ADCYAP1R1: variants seen among roughly 807,000 people sequenced by gnomAD.
ADCYAP1R1 encodes the protein pituitary adenylate cyclase-activating polypeptide type I receptor.
ADCYAP1R1 carries 44 observed loss-of-function variants against 67.6 expected under a neutral mutation model. The observed-to-expected ratio is 0.65, with a 90% CI of 0.51 to 0.84. The LOEUF (loss-of-function observed/expected upper bound fraction) is 0.84, where lower values mean the gene tolerates loss of function less well. Ranked by LOEUF, ADCYAP1R1 falls within the 40% of genes least tolerant of loss-of-function variation. The probability of loss-of-function intolerance (pLI) is 0.00; values close to 1 mark genes in which losing one functional copy is unlikely to be tolerated. For missense variants in ADCYAP1R1, 477 were observed against 587.9 expected (o/e 0.81, Z 1.95); for synonymous variants, 222 against 219.6 (o/e 1.01, Z -0.10).
intron 13 of ADCYAP1R1, among the ~76,000 whole-genome samples, chr7:31,096,344 C>T (rs902230704): frequency 3.9e-5 from 6 of 152,226 alleles, no homozygotes; most frequent in East Asian, 1.9e-4. Flanking sequence ...GGCAGAAGTG[C>T]GGCCAGGCAG....
chr7:31,060,005 G>A (rs1376557656), intron 1 of ADCYAP1R1, among the ~76,000 whole-genome samples: 1 of 152,050 alleles, frequency 6.6e-6, no homozygotes, highest in East Asian at 1.9e-4. Context: ...TCTAGTTCCA[G>A]AAGAGGCACC....
chr7:31,058,367 C>T lies in ADCYAP1R1; in HGVS notation c.-71-4827C>T, dbSNP rs191327157. Among the ~76,000 whole-genome samples, 544 of 152,260 alleles carry T rather than the reference C, an allele frequency of 3.6e-3. 4 individuals carry two copies. Among genetic ancestry groups the T allele is most frequent in the Middle Eastern group, 0.01 (3 of 294 alleles). On this transcript the variant is annotated intron_variant, in intron 1 of 15. Transcript: ENST00000304166. ...CAGGGGCCACCACTTCCTGGTGCAGCGACTCAGAGGAGGACATGGCTGCTG... is the reference window on the plus strand; with the variant it reads ...CAGGGGCCACCACTTCCTGGTGCAGTGACTCAGAGGAGGACATGGCTGCTG...
At chr7:31,062,058 T>C (rs1020808681) in intron 1 of ADCYAP1R1, among the ~76,000 whole-genome samples, 2 of 152,230 alleles carry the variant, frequency 1.3e-5, no homozygotes, top group Admixed American at 1.3e-4. Flanking sequence ...GATGCTTTGC[T>C]GTCCCATTTT....
intron 1 of ADCYAP1R1, 119 bp from the exon 2 acceptor site, chr7:31,063,075 G>A: frequency 3.2e-6 from 2 of 627,152 alleles, no homozygotes; most frequent in Non-Finnish European, 5.6e-6. Context: ...GGGAGGTGGG[G>A]TTATCCTTGG....
chr7:31,110,178 A>T lies in ADCYAP1R1; in HGVS notation c.*3494A>T, dbSNP rs1214434511. 7.2e-6 allele frequency: 1 copy of T among 139,458 alleles called. No homozygotes were observed. Among genetic ancestry groups the T allele is most frequent in the Non-Finnish European group, 1.5e-5 (1 of 65,634 alleles). The allele number at this position is 139,458 out of a possible 1,614,324, so 8.6% of individuals were successfully genotyped here. The stretch of plus-strand genomic sequence containing the variant: ...TTTGAGTAGTACCCTTGCCCTCTTC[A>T]TGGCCACTTCAAAGTGAAGCCAGCA... On this transcript the variant is annotated 3_prime_UTR_variant, in exon 16 of 16. Coordinates refer to ENST00000304166, the MANE Select transcript of ADCYAP1R1 (RefSeq NM_001118.5).
chr7:31,094,192 A>G (rs1431803213), intron 13 of ADCYAP1R1, among the ~76,000 whole-genome samples: 3 of 152,100 alleles, frequency 2.0e-5, no homozygotes, highest in African/African-American at 7.2e-5. Context: ...TCTTGCTTAT[A>G]TGTGTATATT....
chr7:31,082,687 C>T (rs1795560838), intron 6 of ADCYAP1R1, among the ~76,000 whole-genome samples: 1 of 152,154 alleles, frequency 6.6e-6, no homozygotes, highest in Admixed American at 6.5e-5. Flanking sequence ...GACAGATTTG[C>T]TGGAAGAAGG....
intron 12 of ADCYAP1R1, among the ~76,000 whole-genome samples, chr7:31,088,836 A>C (rs1795853483): frequency 6.6e-6 from 1 of 152,068 alleles, no homozygotes; most frequent in African/African-American, 2.4e-5. Context: ...TTTTCCTTGC[A>C]CGTTTACTGT....
chr7:31,064,969 C>A, intron 3 of ADCYAP1R1, 33 bp downstream of exon 3: 1 of 1,511,396 alleles, frequency 6.6e-7, no homozygotes. Context: ...TGCCACGTCC[C>A]CAGTGCCAGC....
chr7:31,072,583 C>T (rs1795035843), intron 3 of ADCYAP1R1, among the ~76,000 whole-genome samples: 1 of 152,082 alleles, frequency 6.6e-6, no homozygotes, highest in Non-Finnish European at 1.5e-5. Flanking sequence ...ATAGCCATGT[C>T]CTAACAGGCT....
chr7:31,057,513 T>A (rs1163504762), intron 1 of ADCYAP1R1, among the ~76,000 whole-genome samples: 1 of 152,212 alleles, frequency 6.6e-6, no homozygotes, highest in East Asian at 1.9e-4. Context: ...TTGTGCGAAA[T>A]GCAGGGCATG....
chr7:31,105,329 C>T (rs1351784484), intron 15 of ADCYAP1R1, among the ~76,000 whole-genome samples: 1 of 152,238 alleles, frequency 6.6e-6, no homozygotes, highest in Non-Finnish European at 1.5e-5. Flanking sequence ...GAGCCAGGAG[C>T]TGCCTGGCAC....
intron 13 of ADCYAP1R1, among the ~76,000 whole-genome samples, chr7:31,096,470 G>A (rs908631919): frequency 6.6e-6 from 1 of 152,204 alleles, no homozygotes; most frequent in East Asian, 1.9e-4. Flanking sequence ...CAAAGTTCAT[G>A]TTAGGGGCTG....
At chr7:31,090,597 G>A (rs1246944598) in intron 12 of ADCYAP1R1, among the ~76,000 whole-genome samples, 1 of 152,122 alleles carries the variant, frequency 6.6e-6, no homozygotes, top group Non-Finnish European at 1.5e-5. Flanking sequence ...AGTTCCCAGT[G>A]TCCATTGTTG....
At chr7:31,094,732 G>A (rs533875186) in intron 13 of ADCYAP1R1, among the ~76,000 whole-genome samples, 49 of 152,278 alleles carry the variant, frequency 3.2e-4, no homozygotes, top group African/African-American at 1.2e-3. Context: ...CCACGGACCA[G>A]GAGCCTTGAG....
intron 1 of ADCYAP1R1, among the ~76,000 whole-genome samples, chr7:31,055,033 C>T (rs929735151): frequency 4.6e-5 from 7 of 152,088 alleles, no homozygotes; most frequent in Admixed American, 2.0e-4. Context: ...TCCTCAGCTG[C>T]GACGTGTTTG....
chr7:31,053,536 C>G (rs1275508051), intron 1 of ADCYAP1R1, among the ~76,000 whole-genome samples: 1 of 152,248 alleles, frequency 6.6e-6, no homozygotes, highest in Non-Finnish European at 1.5e-5. Flanking sequence ...AGGAGGGAAC[C>G]CAGCCGGAAG....
chr7:31,101,879 C>A (rs1796452148), intron 13 of ADCYAP1R1, among the ~76,000 whole-genome samples: 1 of 152,210 alleles, frequency 6.6e-6, no homozygotes, highest in African/African-American at 2.4e-5. Flanking sequence ...CTGCTCGGAT[C>A]CTGGTGGCCC....
At chr7:31,054,107 A>C (rs1297288140) in intron 1 of ADCYAP1R1, among the ~76,000 whole-genome samples, 2 of 152,162 alleles carry the variant, frequency 1.3e-5, no homozygotes, top group East Asian at 3.9e-4. Flanking sequence ...GCTTGGACAC[A>C]AGCCGAAATC....
Sources: allele counts gnomAD v4.1 joint callset (sites outside exome capture counted in the v4.1 genomes callset), GRCh38; gene constraint gnomAD v4.1.1; transcripts MANE v1.5; gene names NCBI Gene and HGNC (gene_info 2026-07-23, HGNC 2026-07-21).